Variants in ATP8A2 observed in about 807,000 individuals in gnomAD.
The protein encoded by ATP8A2 is phospholipid-transporting ATPase IB.
A neutral mutation model predicts 165.6 loss-of-function variants in ATP8A2; 100 were observed. The ratio of observed to expected loss-of-function variants is 0.60; its 90% confidence interval spans 0.51 to 0.71. The LOEUF is 0.71. Among genes scored for constraint, ATP8A2 ranks in the 30% least tolerant of loss-of-function variants. The pLI is 0.00. For missense variants in ATP8A2, 1,227 were observed against 1,479.5 expected (o/e 0.83, Z 2.80); for synonymous variants, 543 against 548.8 (o/e 0.99, Z 0.15).
chr13:25,846,058 C>A (rs1467609193), intron 30 of ATP8A2, among the ~76,000 whole-genome samples: 1 of 152,124 alleles, frequency 6.6e-6, no homozygotes, highest in Admixed American at 6.5e-5. Flanking sequence ...TGCCTGTAAC[C>A]CCAGCTACTT....
intron 35 of ATP8A2, among the ~76,000 whole-genome samples, chr13:25,995,525 T>A (rs948403963): frequency 1.3e-5 from 2 of 151,978 alleles, no homozygotes; most frequent in African/African-American, 4.8e-5. Context: ...AGTAATTTTT[T>A]ATTTGTCTTA....
chr13:25,866,766 A>G (rs1197266895), intron 33 of ATP8A2, among the ~76,000 whole-genome samples: 1 of 152,194 alleles, frequency 6.6e-6, no homozygotes, highest in Non-Finnish European at 1.5e-5. Context: ...AAGTGTGAGA[A>G]CCACTGCTTT....
Position 25,958,647 on chromosome 13 carries a change from G to A in ATP8A2, c.3184-2928G>A, listed in dbSNP as rs546132904. On this transcript the variant is annotated intron_variant, in intron 33 of 36. Transcript: ENST00000381655. ...TGTAAATGGTCAGTAGATCACCTTA[G>A]AAGGATTTCAGACTCTGGGTCTCAG... Among the ~76,000 whole-genome samples the A allele has an allele frequency of 5.9e-5, 9 of 152,306 alleles. No homozygotes were observed. The South Asian group carries it at 1.9e-3, about 32-fold the overall frequency.
intron 25 of ATP8A2, among the ~76,000 whole-genome samples, chr13:25,755,612 T>G (rs1328217868): frequency 1.3e-5 from 2 of 152,106 alleles, no homozygotes; most frequent in Non-Finnish European, 2.9e-5. Context: ...GGTTGATATA[T>G]AAAGAAACCC....
chr13:25,559,679 A>G (rs756152248), intron 14 of ATP8A2, 42 bp from the exon 15 acceptor site: 5 of 1,512,342 alleles, frequency 3.3e-6, no homozygotes, highest in Non-Finnish European at 4.6e-6. Context: ...CTGTCTTTTG[A>G]TCACAGTTTT....
At chr13:25,844,905 C>T (rs2138682457) in intron 30 of ATP8A2, among the ~76,000 whole-genome samples, 1 of 152,334 alleles carries the variant, frequency 6.6e-6, no homozygotes, top group South Asian at 2.1e-4. Flanking sequence ...TTGGGCAAGG[C>T]AACAGAAGCA....
At chr13:25,465,737 TTCCCTCCCTCCCTCTCTC>T (rs2035641150) in intron 1 of ATP8A2, among the ~76,000 whole-genome samples, 10 of 5,596 alleles carry the variant, frequency 1.8e-3, no homozygotes, top group South Asian at 0.019. Context: ...CTTTCTTTCT[TTCCCTCCCTCCCTCTCTC>T]TCTCTCTTTC....
chr13:26,000,095 C>T (rs1021442693), intron 35 of ATP8A2, among the ~76,000 whole-genome samples: 5 of 152,110 alleles, frequency 3.3e-5, no homozygotes, highest in African/African-American at 1.2e-4. Context: ...AAATATCATT[C>T]TCTAATAAAG....
intron 2 of ATP8A2, among the ~76,000 whole-genome samples, chr13:25,528,846 C>T (rs4447272): frequency 0.4 from 24,814 of 62,258 alleles, 6,198 homozygotes; most frequent in African/African-American, 0.52. Flanking sequence ...TGTGTATGCA[C>T]ACATATGCAA....
At position 26,005,307 on chromosome 13, in the gene ATP8A2, A is replaced by G. The variant is rs545943844; in HGVS notation, c.3378-7224A>G. 5.3e-5 allele frequency among the ~76,000 whole-genome samples: 8 copies of G among 152,084 alleles called. No homozygotes were observed. In the South Asian group the frequency reaches 8.3e-4, roughly 16 times the overall value. ...ATCTGTTATAGTGTCTCAACTTTCAATTCTCACTTTATTTGCGTCTCTCCT... is the reference window on the plus strand; with the variant it reads ...ATCTGTTATAGTGTCTCAACTTTCAGTTCTCACTTTATTTGCGTCTCTCCT... On this transcript the variant is annotated intron_variant, in intron 35 of 36. Coordinates refer to ENST00000381655, the MANE Select transcript of ATP8A2 (RefSeq NM_016529.6).
At chr13:25,380,999 C>T (rs972920142) in intron 1 of ATP8A2, among the ~76,000 whole-genome samples, 4 of 152,188 alleles carry the variant, frequency 2.6e-5, no homozygotes, top group Non-Finnish European at 5.9e-5. Flanking sequence ...AGATATCCAC[C>T]TTCAGTTAAT....
intron 1 of ATP8A2, among the ~76,000 whole-genome samples, chr13:25,381,722 A>G (rs770862610): frequency 9.2e-5 from 14 of 152,140 alleles, no homozygotes; most frequent in Non-Finnish European, 2.1e-4. Flanking sequence ...GCAGTCTGTG[A>G]TATTTTTCAG....
intron 33 of ATP8A2, among the ~76,000 whole-genome samples, chr13:25,907,004 C>T (rs979983618): frequency 3.3e-5 from 5 of 152,278 alleles, no homozygotes; most frequent in Middle Eastern, 3.4e-3. Flanking sequence ...CTGAAGCGGG[C>T]GGATCACTTG....
chr13:25,609,081 G>A (rs943516392), intron 24 of ATP8A2, among the ~76,000 whole-genome samples: 3 of 151,784 alleles, frequency 2.0e-5, no homozygotes, highest in Non-Finnish European at 4.4e-5. Context: ...AAATAAAAAA[G>A]ACTTAAAATG....
chr13:25,408,100 T>TA (rs57083418), intron 1 of ATP8A2, among the ~76,000 whole-genome samples: 53,745 of 150,458 alleles, frequency 0.36, 9,900 homozygotes, highest in African/African-American at 0.41. Context: ...TATTTGACAT[T>TA]AAAAAAAAAT....
rs374397075 is a variant in ATP8A2 at position 25,953,522 on chromosome 13, TAAAAAAAAA to T, written c.3184-8037_3184-8029del. On this transcript the variant is annotated intron_variant, in intron 33 of 36. Coordinates refer to ENST00000381655, the MANE Select transcript of ATP8A2 (RefSeq NM_016529.6). This position sits in a 1 kb window ranked among gnomAD's most constrained non-coding sequence, Gnocchi z 6.7. The stretch of plus-strand genomic sequence containing the variant: ...GTAGCCCTGGTTACTCCAGCCTTTT[TAAAAAAAAA>T]AAAAAAAAAAAAAAAGCAAGGGAAA... Among the ~76,000 whole-genome samples the T allele has an allele frequency of 1.1e-5, 1 of 94,960 alleles. No homozygotes were observed. The highest frequency in any genetic ancestry group is 2.0e-5 in the Non-Finnish European group (1 of 49,020). The allele number at this position is 94,960 out of a possible 152,430, so 62.3% of individuals were successfully genotyped here.
At chr13:25,453,915 T>G (rs2035294088) in intron 1 of ATP8A2, among the ~76,000 whole-genome samples, 1 of 152,220 alleles carries the variant, frequency 6.6e-6, no homozygotes, top group African/African-American at 2.4e-5. Flanking sequence ...GAAGCTGGTA[T>G]TGAAATTCTG....
At chr13:25,866,654 A>G (rs970769938) in intron 33 of ATP8A2, among the ~76,000 whole-genome samples, 1 of 152,114 alleles carries the variant, frequency 6.6e-6, no homozygotes, top group African/African-American at 2.4e-5. Context: ...AGACACACAC[A>G]CAGACACACA....
At chr13:25,579,748 GC>G in intron 21 of ATP8A2, 59 bp from the exon 22 acceptor site, 1 of 1,588,458 alleles carries the variant, frequency 6.3e-7, no homozygotes, top group South Asian at 1.1e-5. Flanking sequence ...GGGAGCACAG[GC>G]TGTCCCCTAG....
Sources: gnomAD v4.1 joint callset for allele counts (sites outside exome capture counted in the v4.1 genomes callset) on GRCh38, gnomAD v4.1.1 for gene constraint, Gnocchi (gnomAD v3.1) non-coding constraint, MANE v1.5 for transcripts, NCBI Gene and HGNC (gene_info 2026-07-23, HGNC 2026-07-21) for gene names.